CLCC1: variants seen among roughly 807,000 people sequenced by gnomAD.
The protein encoded by CLCC1 is chloride channel CLIC like 1.
CLCC1 carries 39 observed loss-of-function variants against 63.3 expected under a neutral mutation model. The ratio of observed to expected loss-of-function variants is 0.62; its 90% CI spans 0.48 to 0.81. The LOEUF is 0.81. CLCC1 is among the 30% of genes least tolerant of loss of function. The pLI, the probability that CLCC1 is intolerant of heterozygous loss-of-function variation, is 0.00. For missense variants in CLCC1, 549 were observed against 669.4 expected (o/e 0.82, Z 1.98); for synonymous variants, 217 against 239.8 (o/e 0.90, Z 0.88).
intron 2 of CLCC1, among the ~76,000 whole-genome samples, chr1:108,954,028 A>AAAAAAAAAAAAG (rs1553222737): frequency 1.3e-5 from 2 of 148,988 alleles, no homozygotes; most frequent in African/African-American, 5.1e-5. Flanking sequence ...AAAAAAAAAA[A>AAAAAAAAAAAAG]CACATCCGAC....
At chr1:108,962,870 C>CAAA (rs34375249) in intron 1 of CLCC1, among the ~76,000 whole-genome samples, 3 of 133,972 alleles carry the variant, frequency 2.2e-5, no homozygotes, top group African/African-American at 5.6e-5. Context: ...GACTCCGTCT[C>CAAA]AAAAAAAAAA....
chr1:108,954,512 A>G (rs9662585), intron 2 of CLCC1, among the ~76,000 whole-genome samples: 6,213 of 150,742 alleles, frequency 0.041, 624 homozygotes, highest in African/African-American at 0.14. Flanking sequence ...AAACAACAAC[A>G]ACCACCACCA....
At position 108,937,110 on chromosome 1, in the gene CLCC1, T is replaced by C. The variant is rs1653131063; in HGVS notation, c.1350A>G (p.Ala450=). 1.3e-6 allele frequency: 2 copies of C among 1,520,384 alleles called. No individual in the cohort carries two copies. The highest frequency in any genetic ancestry group is 2.8e-5 in the African/African-American group (2 of 71,814). The allele number at this position is 1,520,384 out of a possible 1,614,324, so 94.2% of individuals were successfully genotyped here. A position where few individuals can be genotyped will look rare whatever the true frequency, so the allele number is the denominator to read the frequency against. The change falls in exon 11 of 13, where the codon GCA becomes GCG. Residue 450 remains alanine, a synonymous_variant. Coordinates refer to ENST00000369969, the MANE Select transcript of CLCC1 (RefSeq NM_001377458.1). ...CCACCGTGGGATGCTCTCGTGCCTC[T>C]GCGTCTGGTACATCAAATGCCCGGA... The part of the protein sequence containing the change: ...EVLRAFDVPD[A]EAREHPTVVP...
At chr1:108,955,908 C>T (rs1261938227) in intron 2 of CLCC1, among the ~76,000 whole-genome samples, 1 of 151,496 alleles carries the variant, frequency 6.6e-6, no homozygotes, top group East Asian at 1.9e-4. Context: ...GGTTTTAAGG[C>T]TTTCACACCT....
At chr1:108,947,578 A>G (rs1247376854) in intron 5 of CLCC1, 33 bp downstream of exon 5, 1 of 1,231,696 alleles carries the variant, frequency 8.1e-7, no homozygotes, top group Non-Finnish European at 1.2e-6. Flanking sequence ...AATATACACT[A>G]TACGGATTAG....
Position 108,939,673 on chromosome 1 carries a change from T to C in CLCC1, c.1004A>G (p.His335Arg). 1 of 1,614,100 alleles carries C rather than the reference T, an allele frequency of 6.2e-7. No homozygotes were observed. Residue 335 changes from histidine (H) to arginine (R), a missense_variant, in exon 10 of 13, where the codon CAT becomes CGT. Transcript: ENST00000369969. ...TGCCATAATTATCAGCACTGGAAGA[T>C]GAAGCAGCGCTGGAATTTCCTTCAT... Reference protein sequence around the residue: ...ALMKEIPALLHLPVLIIMALA... With the variant: ...ALMKEIPALLRLPVLIIMALA...
In CLCC1 at chr1:108,937,207, C is replaced by T. The variant is rs35985461; in HGVS notation, c.1253G>A (p.Gly418Asp). 7.4e-4 allele frequency: 1,199 copies of T among 1,611,836 alleles called. 12 individuals are homozygous for T. In the African/African-American group the frequency reaches 0.014, roughly 19 times the overall value. ...EQGPYAKTYE[G>D]RREILRERDV... is the part of the protein sequence containing the mutation. The stretch of plus-strand genomic sequence containing the variant: ...TCTCTCTCTCAAAATCTCTCTTCTA[C>T]CCTCATACGTTTTGGCATAAGGGCC... Residue 418 changes from glycine to aspartate, a missense_variant, in exon 11 of 13, where the codon GGT becomes GAT. Gly to Asp is a moderately conservative substitution (Grantham distance 94, BLOSUM62 -1). Transcript: ENST00000369969.
chr1:108,934,536 G>C (rs1034778343), intron 12 of CLCC1, 89 bp downstream of exon 12: 18 of 987,344 alleles, frequency 1.8e-5, no homozygotes, highest in Non-Finnish European at 2.5e-5. Context: ...TGTGAATGTT[G>C]AAGTTGAAAT....
At position 108,934,614 on chromosome 1, in the gene CLCC1, G is replaced by A. The variant is rs1194788392; in HGVS notation, c.*45+11C>T. The stretch of plus-strand genomic sequence containing the variant: ...GCAGAGAAGAGAAAGAGAGTGAAGA[G>A]TATACTTTACAAAGCTCGAAGGAGA... On this transcript the variant is annotated intron_variant, in intron 12 of 12. Transcript: ENST00000369969. 6.4e-7 allele frequency: 1 copy of A among 1,565,716 alleles called. No homozygotes were observed. The highest frequency in any genetic ancestry group is 1.4e-5 in the African/African-American group (1 of 73,702).
In CLCC1 at chr1:108,930,293, A is replaced by G. The variant is rs1651705966; in HGVS notation, c.*2254T>C. ...TAATTTTTTAACATCTTAATTGACA[A>G]TGGCGTTTTTTTATACATAACCATG... On this transcript the variant is annotated 3_prime_UTR_variant, in exon 13 of 13. Transcript: ENST00000369969. 5.1e-6 allele frequency: 1 copy of G among 194,536 alleles called. No homozygotes were observed. The highest frequency in any genetic ancestry group is 1.1e-5 in the Non-Finnish European group (1 of 94,728). The allele number at this position is 194,536 out of a possible 1,614,324, so 12.1% of individuals were successfully genotyped here. A position where few individuals can be genotyped will look rare whatever the true frequency, so the allele number is the denominator to read the frequency against.
At chr1:108,940,700 T>G (rs1244061774) in intron 8 of CLCC1, among the ~76,000 whole-genome samples, 1 of 152,222 alleles carries the variant, frequency 6.6e-6, no homozygotes, top group African/African-American at 2.4e-5. Context: ...CAAATCAGGC[T>G]TATATACGTT....
At chr1:108,944,482 T>A (rs936825841) in intron 5 of CLCC1, among the ~76,000 whole-genome samples, 9 of 150,816 alleles carry the variant, frequency 6.0e-5, no homozygotes, top group Admixed American at 1.3e-4. Flanking sequence ...AAAAAAAAAA[T>A]AATAATAATA....
At position 108,929,964 on chromosome 1, in the gene CLCC1, C is replaced by G; in HGVS notation, c.*2583G>C. 6.2e-7 allele frequency: 1 copy of G among 1,603,238 alleles called. No individual in the cohort carries two copies. The highest frequency in any genetic ancestry group is 8.5e-7 in the Non-Finnish European group (1 of 1,171,202). On this transcript the variant is annotated 3_prime_UTR_variant, in exon 13 of 13. Coordinates refer to ENST00000369969, the MANE Select transcript of CLCC1 (RefSeq NM_001377458.1). ...AGTTACTATGGATTTATTTTTTTTC[C>G]TTTCAAACACGGTAAGGAAACAATC... is the stretch of plus-strand genomic sequence containing the variant.
intron 7 of CLCC1, among the ~76,000 whole-genome samples, chr1:108,942,321 T>C (rs998203057): frequency 1.3e-5 from 2 of 152,218 alleles, no homozygotes; most frequent in South Asian, 2.1e-4. Flanking sequence ...GTTGATGATA[T>C]CCTATTTTGC....
At position 108,931,019 on chromosome 1, in the gene CLCC1, TC is replaced by T. The variant is rs201514989; in HGVS notation, c.*1527del. The T allele has an allele frequency of 0.059, 12,215 of 207,880 alleles. 429 individuals are homozygous for T. Among genetic ancestry groups the T allele is most frequent in the Non-Finnish European group, 0.063 (6,482 of 102,762 alleles). The allele number at this position is 207,880 out of a possible 1,614,324, so 12.9% of individuals were successfully genotyped here. ...CTGAGCTATGATCGTGCCACTGCAC[TC>T]CAGCCTGGGTGACAGAGCAAGACCC... On this transcript the variant is annotated 3_prime_UTR_variant, in exon 13 of 13. Coordinates refer to ENST00000369969, the MANE Select transcript of CLCC1 (RefSeq NM_001377458.1).
Position 108,937,168 on chromosome 1 carries a change from CTCAAG to C in CLCC1, c.1287_1291del (p.Asp429GlufsTer10). The C allele has an allele frequency of 6.3e-7, 1 of 1,583,446 alleles. No homozygotes were observed. Among genetic ancestry groups the C allele is most frequent in the South Asian group, 1.2e-5 (1 of 86,098 alleles). ...AGGGCTCTTGTTGCCAGTCTGAAAT[CTCAAG>C]TCAACATCTCTCTCTCTCAAAATCT... On this transcript the variant is annotated frameshift_variant, in exon 11 of 13. Coordinates refer to ENST00000369969, the MANE Select transcript of CLCC1 (RefSeq NM_001377458.1). LOFTEE classifies it high-confidence loss of function.
chr1:108,929,925 A>G lies in CLCC1; in HGVS notation c.*2622T>C, dbSNP rs142663817. On this transcript the variant is annotated 3_prime_UTR_variant, in exon 13 of 13. Coordinates refer to ENST00000369969, the MANE Select transcript of CLCC1 (RefSeq NM_001377458.1). ...TGGAGTTTAAAAATTCAGGGAAAAA[A>G]TCGGCAGACCATTAGTTACTATGGA... is the stretch of plus-strand genomic sequence containing the variant. The G allele has an allele frequency of 7.6e-5, 123 of 1,613,614 alleles. 2 individuals are homozygous for G. In the East Asian group the frequency reaches 2.2e-3, roughly 28 times the overall value.
rs1557892841 is a variant in CLCC1 at position 108,939,759 on chromosome 1, TGTG to T, written c.915_917del (p.Thr306del). ...TATGCTTCAATGGCTCCGTTACAAA[TGTG>T]GTGAATGTAACTGCAAGTGCCTAAA... On this transcript the variant is annotated inframe_deletion, in exon 10 of 13. Transcript: ENST00000369969. The T allele has an allele frequency of 3.1e-6, 5 of 1,613,956 alleles. No homozygotes were observed. The highest frequency in any genetic ancestry group is 2.7e-5 in the African/African-American group (2 of 75,028).
Position 108,937,068 on chromosome 1 carries a change from C to G in CLCC1, c.1383+9G>C. ...AAGGGACAGCAGAATAAAAGAGTTG[C>G]TGACTTACACTGGGTACCACCGTGG... On this transcript the variant is annotated intron_variant, in intron 11 of 12. Coordinates refer to ENST00000369969, the MANE Select transcript of CLCC1 (RefSeq NM_001377458.1). 3 of 1,471,916 alleles carry G rather than the reference C, an allele frequency of 2.0e-6. No individual in the cohort carries two copies. Among genetic ancestry groups the G allele is most frequent in the Non-Finnish European group, 2.7e-6 (3 of 1,110,096 alleles). The allele number at this position is 1,471,916 out of a possible 1,614,324, so 91.2% of individuals were successfully genotyped here. A position where few individuals can be genotyped will look rare whatever the true frequency, so the allele number is the denominator to read the frequency against.
Sources: gnomAD v4.1 joint callset for allele counts (sites outside exome capture counted in the v4.1 genomes callset) on GRCh38, gnomAD v4.1.1 for gene constraint, MANE v1.5 for transcripts, NCBI Gene and HGNC (gene_info 2026-07-23, HGNC 2026-07-21) for gene names.